The following TUBD1 variants were observed in gnomAD, a reference collection of about 807,000 sequenced individuals.
TUBD1 encodes the protein tubulin delta 1.
A neutral mutation model predicts 51.2 loss-of-function variants in TUBD1; 38 were observed. The observed-to-expected ratio is 0.74, with a 90% confidence interval of 0.57 to 0.97. TUBD1 has a LOEUF of 0.97. Among genes scored for constraint, TUBD1 ranks in the 50% least tolerant of loss-of-function variants. TUBD1 has a pLI of 0.00. For synonymous variants in TUBD1, 169 were observed against 178.2 expected (o/e 0.95, Z 0.41); for missense variants, 489 against 538.4 (o/e 0.91, Z 0.91).
At chr17:59,891,680 A>T (rs2041056528) in intron 1 of TUBD1, 1 of 152,458 alleles carries the variant, frequency 6.6e-6, no homozygotes, top group Admixed American at 6.5e-5. Flanking sequence ...TGATAAAAGA[A>T]AAAAAGAGGC....
At chr17:59,881,159 C>G in intron 3 of TUBD1, 49 bp from the exon 4 acceptor site, 2 of 1,419,130 alleles carry the variant, frequency 1.4e-6, no homozygotes, top group South Asian at 2.3e-5. Flanking sequence ...AATTTAACCA[C>G]AGATATGTAA....
At chr17:59,862,573 C>G (rs1462986432) in intron 8 of TUBD1, among the ~76,000 whole-genome samples, 1 of 150,924 alleles carries the variant, frequency 6.6e-6, no homozygotes, top group African/African-American at 2.4e-5. Flanking sequence ...GAGTCTCGCT[C>G]TTGTTGCCCA....
At chr17:59,891,076 A>G (rs1391917938) in intron 1 of TUBD1, 35 bp from the exon 2 acceptor site, 1 of 1,111,980 alleles carries the variant, frequency 9.0e-7, no homozygotes, top group East Asian at 2.4e-5. Context: ...GAGAACCACT[A>G]CATTACTAAT....
chr17:59,867,166 G>GTT (rs1002488448), intron 6 of TUBD1, among the ~76,000 whole-genome samples: 2 of 145,272 alleles, frequency 1.4e-5, no homozygotes, highest in African/African-American at 5.0e-5. Flanking sequence ...TGTATTTTAG[G>GTT]TTTTTTTTTT....
At chr17:59,890,692 A>T in intron 2 of TUBD1, 139 bp downstream of exon 2, 1 of 709,006 alleles carries the variant, frequency 1.4e-6, no homozygotes, top group Non-Finnish European at 2.2e-6. Flanking sequence ...AAAGATTATT[A>T]ACATAGAAAT....
intron 3 of TUBD1, 55 bp from the exon 4 acceptor site, chr17:59,881,165 TG>T (rs1337965242): frequency 1.4e-6 from 2 of 1,390,100 alleles, no homozygotes; most frequent in African/African-American, 2.8e-5. Flanking sequence ...ACCACAGATA[TG>T]TAATTCAGAG....
intron 6 of TUBD1, among the ~76,000 whole-genome samples, chr17:59,868,605 A>G (rs1221343050): frequency 6.6e-6 from 1 of 152,016 alleles, no homozygotes; most frequent in Non-Finnish European, 1.5e-5. Flanking sequence ...TTTGCGAGGC[A>G]GAGGGGGGGG....
chr17:59,872,301 C>T (rs1416030892), intron 6 of TUBD1, among the ~76,000 whole-genome samples: 1 of 151,838 alleles, frequency 6.6e-6, no homozygotes, highest in East Asian at 1.9e-4. Flanking sequence ...TGCTTTGTTG[C>T]TCAAGCTAGT....
In TUBD1 at chr17:59,878,041, T is replaced by G. The variant is rs1598544220; in HGVS notation, c.769+62A>C. 4 of 1,358,060 alleles carry G rather than the reference T, an allele frequency of 2.9e-6. No individual in the cohort carries two copies. In the East Asian group the frequency reaches 9.3e-5, roughly 31 times the overall value. 84.1% of individuals were successfully genotyped at this position (1,358,060 alleles called of 1,614,324 possible). On this transcript the variant is annotated intron_variant, in intron 5 of 8. Transcript: ENST00000325752. ...CAGGCAGAGGAGGAGACAGAAAGAA[T>G]AAACTTTGAAGCTTTCAGAACATAA...
intron 6 of TUBD1, 119 bp downstream of exon 6, chr17:59,874,420 G>A: frequency 1.1e-6 from 1 of 920,000 alleles, no homozygotes; most frequent in Non-Finnish European, 1.6e-6. Flanking sequence ...TTCTGCCGGA[G>A]TCTCTCTAGC....
chr17:59,891,072 C>CT, intron 1 of TUBD1, 31 bp from the exon 2 acceptor site: 12 of 1,131,438 alleles, frequency 1.1e-5, no homozygotes, highest in Non-Finnish European at 1.4e-5. Flanking sequence ...CTTTGAGAAC[C>CT]ACTACATTAC....
chr17:59,860,254 G>T lies in TUBD1; in HGVS notation c.*68C>A. 1 of 1,149,868 alleles carries T rather than the reference G, an allele frequency of 8.7e-7. No homozygotes were observed. Among genetic ancestry groups the T allele is most frequent in the Non-Finnish European group, 1.3e-6 (1 of 780,874 alleles). 71.2% of individuals were successfully genotyped at this position (1,149,868 alleles called of 1,614,324 possible). On this transcript the variant is annotated 3_prime_UTR_variant, in exon 9 of 9. Coordinates refer to ENST00000325752, the MANE Select transcript of TUBD1 (RefSeq NM_016261.4). ...GATGGAGAACTTTGAAAACTTTACA[G>T]AGAAAATAGTATTGAAAATATTTTA...
intron 3 of TUBD1, among the ~76,000 whole-genome samples, chr17:59,883,443 T>C (rs1291125978): frequency 1.3e-5 from 2 of 151,898 alleles, no homozygotes; most frequent in Admixed American, 1.3e-4. Context: ...TTTTTTCTAT[T>C]TTTTAGTAGA....
At chr17:59,884,121 C>A (rs1377976171) in intron 3 of TUBD1, among the ~76,000 whole-genome samples, 1 of 151,728 alleles carries the variant, frequency 6.6e-6, no homozygotes, top group African/African-American at 2.4e-5. Context: ...ATTAGCCGGG[C>A]GTGGTGGCAT....
chr17:59,860,499 A>C, intron 8 of TUBD1, 75 bp from the exon 9 acceptor site: 1 of 904,574 alleles, frequency 1.1e-6, no homozygotes, highest in Non-Finnish European at 1.7e-6. Context: ...TAAACAATAA[A>C]CAGACCTTTT....
intron 3 of TUBD1, among the ~76,000 whole-genome samples, chr17:59,882,449 G>A (rs2040532157): frequency 6.6e-6 from 1 of 151,540 alleles, no homozygotes; most frequent in Admixed American, 6.6e-5. Context: ...ACCACACCCG[G>A]CTGATTTTTG....
chr17:59,886,405 T>C (rs1290155378), intron 2 of TUBD1, 175 bp from the exon 3 acceptor site: 1 of 621,332 alleles, frequency 1.6e-6, no homozygotes, highest in African/African-American at 1.9e-5. Context: ...GCAGCAGGCA[T>C]ATGCAGATGT....
intron 6 of TUBD1, among the ~76,000 whole-genome samples, chr17:59,872,434 G>T (rs537333206): frequency 2.0e-5 from 3 of 151,798 alleles, no homozygotes; most frequent in Non-Finnish European, 4.4e-5. Context: ...AGGATAAGTT[G>T]GTAATAGGTA....
chr17:59,870,673 G>A (rs2039944966), intron 6 of TUBD1, among the ~76,000 whole-genome samples: 1 of 152,154 alleles, frequency 6.6e-6, no homozygotes, highest in Non-Finnish European at 1.5e-5. Context: ...GAAAAGGCTG[G>A]CAGCCAGGCT....
Sources: allele counts gnomAD v4.1 joint callset (sites outside exome capture counted in the v4.1 genomes callset), GRCh38; gene constraint gnomAD v4.1.1; transcripts MANE v1.5; gene names NCBI Gene and HGNC (gene_info 2026-07-23, HGNC 2026-07-21).